CYP7B1: variants seen among roughly 807,000 people sequenced by gnomAD.
CYP7B1 encodes the protein cytochrome P450 family 7 subfamily B member 1, also known as cytochrome P450 7B1.
CYP7B1 carries 29 observed loss-of-function variants against 42.7 expected under a neutral mutation model. The observed-to-expected ratio is 0.68, with a 90% CI of 0.51 to 0.93. The LOEUF (loss-of-function observed/expected upper bound fraction) is 0.93. Ranked by LOEUF, CYP7B1 falls within the 40% of genes least tolerant of loss-of-function variation. CYP7B1 has a pLI of 0.00. For missense variants in CYP7B1, 655 were observed against 600.5 expected, an observed-to-expected ratio of 1.09 and a Z score of -0.95; for synonymous variants, 235 against 218.2, an observed-to-expected ratio of 1.08 and a Z score of -0.68.
At chr8:64,692,280 T>G (rs1366202948) in intron 1 of CYP7B1, among the ~76,000 whole-genome samples, 1 of 152,214 alleles carries the variant, frequency 6.6e-6, no homozygotes, top group Non-Finnish European at 1.5e-5. Flanking sequence ...AACTGCAAAT[T>G]AACAAATGGA....
At chr8:64,773,898 C>T (rs1444624598) in intron 1 of CYP7B1, among the ~76,000 whole-genome samples, 2 of 152,202 alleles carry the variant, frequency 1.3e-5, no homozygotes, top group African/African-American at 4.8e-5. Context: ...TATCCATTCA[C>T]GAGGCCAGAG....
At chr8:64,757,989 G>A (rs923910048) in intron 1 of CYP7B1, among the ~76,000 whole-genome samples, 2 of 152,094 alleles carry the variant, frequency 1.3e-5, no homozygotes, top group East Asian at 1.9e-4. Flanking sequence ...ACACACCTTT[G>A]GACTGGTTTC....
chr8:64,798,368 C>T lies in CYP7B1; in HGVS notation c.122+98G>A, dbSNP rs147554294. The stretch of plus-strand genomic sequence containing the variant: ...CCCCGCAGCAAGTTCTGACTGTCTG[C>T]ACTGGAAATCATGGAGGGGGACTCC... On this transcript the variant is annotated intron_variant, in intron 1 of 5. Transcript: ENST00000310193. 4.2e-4 allele frequency: 591 copies of T among 1,398,326 alleles called. 4 individuals are homozygous for T. In the African/African-American group the frequency reaches 7.2e-3, roughly 17 times the overall value. The allele number at this position is 1,398,326 out of a possible 1,614,324, so 86.6% of individuals were successfully genotyped here.
chr8:64,743,448 A>T (rs141950909), intron 1 of CYP7B1, among the ~76,000 whole-genome samples: 76 of 152,304 alleles, frequency 5.0e-4, no homozygotes, highest in African/African-American at 1.7e-3. Context: ...TGGGTGGCTT[A>T]AACAAGAAAA....
intron 1 of CYP7B1, among the ~76,000 whole-genome samples, chr8:64,712,041 G>A (rs1258837458): frequency 6.6e-6 from 1 of 152,156 alleles, no homozygotes; most frequent in African/African-American, 2.4e-5. Context: ...GCAAAGAACA[G>A]AGTGCCTAAC....
chr8:64,714,412 G>A (rs1458677455), intron 1 of CYP7B1, among the ~76,000 whole-genome samples: 1 of 152,178 alleles, frequency 6.6e-6, no homozygotes, highest in Non-Finnish European at 1.5e-5. Context: ...ATTTAACCAT[G>A]GACTAAATCA....
intron 1 of CYP7B1, among the ~76,000 whole-genome samples, chr8:64,659,320 T>C (rs1439892321): frequency 6.6e-6 from 1 of 152,206 alleles, no homozygotes; most frequent in Non-Finnish European, 1.5e-5. Flanking sequence ...TTCAATAATT[T>C]GCTTTTCTCA....
chr8:64,745,796 A>G (rs891586342), intron 1 of CYP7B1, among the ~76,000 whole-genome samples: 1 of 152,156 alleles, frequency 6.6e-6, no homozygotes, highest in Non-Finnish European at 1.5e-5. Context: ...GGTACAAACA[A>G]TAGTTTGATT....
At chr8:64,612,884 T>G (rs1300609402) in intron 4 of CYP7B1, among the ~76,000 whole-genome samples, 1 of 152,156 alleles carries the variant, frequency 6.6e-6, no homozygotes, top group Non-Finnish European at 1.5e-5. Context: ...AGTCTTGCCT[T>G]TGTACATATA....
At chr8:64,616,595 C>T (rs1805453066) in intron 2 of CYP7B1, among the ~76,000 whole-genome samples, 1 of 152,128 alleles carries the variant, frequency 6.6e-6, no homozygotes, top group South Asian at 2.1e-4. Context: ...TTCTCATAAT[C>T]CCCTGACTTA....
intron 1 of CYP7B1, among the ~76,000 whole-genome samples, chr8:64,717,541 C>A (rs750040495): frequency 6.6e-6 from 1 of 152,102 alleles, no homozygotes; most frequent in Non-Finnish European, 1.5e-5. Flanking sequence ...CATGTCCATT[C>A]GGATGCACAT....
At chr8:64,711,530 A>T (rs1243773989) in intron 1 of CYP7B1, among the ~76,000 whole-genome samples, 1 of 152,160 alleles carries the variant, frequency 6.6e-6, no homozygotes, top group East Asian at 1.9e-4. Flanking sequence ...TGCCTTAAAG[A>T]GGGAAGTCAA....
At chr8:64,622,864 T>C (rs1805552164) in intron 2 of CYP7B1, among the ~76,000 whole-genome samples, 1 of 152,142 alleles carries the variant, frequency 6.6e-6, no homozygotes, top group South Asian at 2.1e-4. Flanking sequence ...GGTAGATACA[T>C]GGGGATCTAA....
intron 1 of CYP7B1, among the ~76,000 whole-genome samples, chr8:64,739,649 T>G (rs928137686): frequency 1.3e-5 from 2 of 152,186 alleles, no homozygotes; most frequent in African/African-American, 4.8e-5. Context: ...AAGAAATATT[T>G]GATGTAATAA....
intron 1 of CYP7B1, among the ~76,000 whole-genome samples, chr8:64,760,663 C>T (rs1029062481): frequency 1.3e-5 from 2 of 151,996 alleles, no homozygotes; most frequent in African/African-American, 4.8e-5. Flanking sequence ...TCACCTCACA[C>T]TTGATAGGAT....
intron 5 of CYP7B1, among the ~76,000 whole-genome samples, chr8:64,603,840 A>G (rs746961329): frequency 6.6e-6 from 1 of 152,238 alleles, no homozygotes; most frequent in Non-Finnish European, 1.5e-5. Flanking sequence ...TCCAGCCTGG[A>G]TGCAAAACAT....
intron 1 of CYP7B1, among the ~76,000 whole-genome samples, chr8:64,624,981 T>C (rs901755977): frequency 7.8e-5 from 4 of 51,248 alleles, no homozygotes; most frequent in African/African-American, 2.1e-4. Context: ...TTTTTTTTTT[T>C]TTTTTTTTTT....
At chr8:64,598,355 C>T (rs1389106751) in intron 5 of CYP7B1, among the ~76,000 whole-genome samples, 2 of 152,150 alleles carry the variant, frequency 1.3e-5, no homozygotes, top group Non-Finnish European at 1.5e-5. Context: ...GTAACACTCT[C>T]CTGGGGAACT....
At chr8:64,742,241 A>C (rs1807580826) in intron 1 of CYP7B1, among the ~76,000 whole-genome samples, 1 of 151,620 alleles carries the variant, frequency 6.6e-6, no homozygotes, top group Non-Finnish European at 1.5e-5. Flanking sequence ...TGAGTTGATC[A>C]ATAGATAATC....
Sources: allele counts gnomAD v4.1 joint callset (sites outside exome capture counted in the v4.1 genomes callset), GRCh38; gene constraint gnomAD v4.1.1; transcripts MANE v1.5; gene names NCBI Gene and HGNC (gene_info 2026-07-23, HGNC 2026-07-21).